VPS41: variants seen among roughly 807,000 people sequenced by gnomAD.
VPS41 encodes the protein VPS41 subunit of HOPS complex.
A neutral mutation model predicts 130.9 loss-of-function variants in VPS41; 85 were observed. That is an observed-to-expected ratio of 0.65 (90% CI 0.55 to 0.78). VPS41 has a LOEUF of 0.78. Among genes scored for constraint, VPS41 ranks in the 30% least tolerant of loss-of-function variants. The pLI is 0.00. For synonymous variants in VPS41, 335 were observed against 332.9 expected (o/e 1.01, Z -0.07); for missense variants, 874 against 1,018.7 (o/e 0.86, Z 1.93).
At chr7:38,857,938 C>G (rs1786021154) in intron 4 of VPS41, among the ~76,000 whole-genome samples, 1 of 152,158 alleles carries the variant, frequency 6.6e-6, no homozygotes, top group South Asian at 2.1e-4. Context: ...TAGGTAGATT[C>G]AAAGATGTTC....
chr7:38,899,555 T>G (rs1430578536), intron 1 of VPS41, among the ~76,000 whole-genome samples: 1 of 152,332 alleles, frequency 6.6e-6, no homozygotes, highest in African/African-American at 2.4e-5. Flanking sequence ...CACTTTAACA[T>G]TAACAATCAC....
intron 19 of VPS41, among the ~76,000 whole-genome samples, chr7:38,756,255 G>A (rs1287934789): frequency 5.6e-5 from 7 of 124,642 alleles, no homozygotes; most frequent in Admixed American, 8.6e-5. Context: ...CACACAGCTT[G>A]CATCACTTTG....
intron 17 of VPS41, 87 bp downstream of exon 17, chr7:38,763,368 C>T (rs527948370): frequency 4.7e-6 from 4 of 847,410 alleles, no homozygotes; most frequent in Middle Eastern, 2.4e-4. Context: ...GTTTCCTTTA[C>T]AGGCATTGCT....
intron 4 of VPS41, among the ~76,000 whole-genome samples, chr7:38,842,872 C>T (rs538352919): frequency 6.6e-6 from 1 of 152,306 alleles, no homozygotes; most frequent in Non-Finnish European, 1.5e-5. Context: ...AACAATAACT[C>T]ACTTTGCTGC....
At chr7:38,816,329 G>C (rs1404987797) in intron 7 of VPS41, among the ~76,000 whole-genome samples, 2 of 152,164 alleles carry the variant, frequency 1.3e-5, no homozygotes, top group East Asian at 3.9e-4. Context: ...AATGGAATCA[G>C]GATCTACCAA....
intron 1 of VPS41, among the ~76,000 whole-genome samples, chr7:38,904,689 G>A (rs955195894): frequency 2.6e-5 from 4 of 152,098 alleles, no homozygotes; most frequent in South Asian, 2.1e-4. Context: ...CAAGAAAATC[G>A]AAGCACTCAA....
chr7:38,886,536 CCACCGCAGTT>C (rs1490445531), intron 2 of VPS41, among the ~76,000 whole-genome samples: 1 of 152,244 alleles, frequency 6.6e-6, no homozygotes, highest in Admixed American at 6.5e-5. Flanking sequence ...TGGGCAGAGC[CCACCGCAGTT>C]CAGCAAGGCC....
At chr7:38,846,679 G>C (rs1017266414) in intron 4 of VPS41, among the ~76,000 whole-genome samples, 2 of 152,158 alleles carry the variant, frequency 1.3e-5, no homozygotes, top group African/African-American at 4.8e-5. Context: ...GTGTGAAAAA[G>C]GGATTAGGGG....
Position 38,898,050 on chromosome 7 carries a change from G to A in VPS41, c.60+41C>T, listed in dbSNP as rs777043262. On this transcript the variant is annotated intron_variant, in intron 2 of 28. Coordinates refer to ENST00000310301, the MANE Select transcript of VPS41 (RefSeq NM_014396.4). ...GAAGCGCAACTCAAGAGAACAACGTGGTGAGCTACAAATCCGAGGGCTCCT... is the reference window on the plus strand; with the variant it reads ...GAAGCGCAACTCAAGAGAACAACGTAGTGAGCTACAAATCCGAGGGCTCCT... The A allele has an allele frequency of 4.4e-6, 7 of 1,592,930 alleles. No homozygotes were observed. In the African/African-American group the frequency reaches 6.7e-5, roughly 15 times the overall value.
chr7:38,760,674 T>C (rs1410547710), intron 17 of VPS41, among the ~76,000 whole-genome samples: 1 of 152,110 alleles, frequency 6.6e-6, no homozygotes, highest in Non-Finnish European at 1.5e-5. Flanking sequence ...ACACAGACCC[T>C]GTTTCTTTTC....
At chr7:38,814,431 A>T (rs766992652) in intron 7 of VPS41, among the ~76,000 whole-genome samples, 1 of 152,160 alleles carries the variant, frequency 6.6e-6, no homozygotes, top group Non-Finnish European at 1.5e-5. Context: ...CGGATGGATC[A>T]CAAGGTCAGG....
chr7:38,799,717 T>A (rs1313682388), intron 7 of VPS41, among the ~76,000 whole-genome samples: 1 of 152,164 alleles, frequency 6.6e-6, no homozygotes, highest in Non-Finnish European at 1.5e-5. Context: ...AAATTCATTT[T>A]AAAAAATGAG....
At chr7:38,850,604 A>C (rs1785833093) in intron 4 of VPS41, among the ~76,000 whole-genome samples, 1 of 152,190 alleles carries the variant, frequency 6.6e-6, no homozygotes, top group South Asian at 2.1e-4. Context: ...TTCATTTAAT[A>C]ATAGGAAGAC....
At chr7:38,897,102 G>C (rs893593229) in intron 2 of VPS41, among the ~76,000 whole-genome samples, 1 of 145,996 alleles carries the variant, frequency 6.8e-6, no homozygotes, top group South Asian at 2.1e-4. Flanking sequence ...GCTGAGGCTG[G>C]AGAATCACTT....
At chr7:38,841,611 T>TTTG (rs942482746) in intron 4 of VPS41, among the ~76,000 whole-genome samples, 8 of 152,162 alleles carry the variant, frequency 5.3e-5, no homozygotes, top group East Asian at 1.9e-4. Context: ...ACTCACAACT[T>TTTG]TTGTTGTTGT....
At chr7:38,821,134 A>T in intron 6 of VPS41, 69 bp downstream of exon 6, 2 of 1,189,388 alleles carry the variant, frequency 1.7e-6, no homozygotes, top group Non-Finnish European at 2.5e-6. Context: ...GTAATGTTCA[A>T]ATTACTGTAA....
At position 38,726,311 on chromosome 7, in the gene VPS41, A is replaced by C; in HGVS notation, c.2500T>G (p.Phe834Val). 1 of 1,608,472 alleles carries C rather than the reference A, an allele frequency of 6.2e-7. No homozygotes were observed. Among genetic ancestry groups the C allele is most frequent in the Middle Eastern group, 1.7e-4 (1 of 6,042 alleles). ...TTCTTAGCACTGCAGATGTTGCAGA[A>C]CTGTGCAGCAGAGTTCTAAAAATGC... ...PMPSMNSAAQFCNICSAKNRG... is the reference protein window; with the variant it reads ...PMPSMNSAAQVCNICSAKNRG... The change falls in exon 29 of 29, where the codon TTC becomes GTC. Residue 834 changes from phenylalanine (F) to valine (V), a missense_variant. Physicochemically the swap from Phe to Val is conservative, Grantham distance 50. Transcript: ENST00000310301.
chr7:38,887,644 A>G (rs1380389975), intron 2 of VPS41, among the ~76,000 whole-genome samples: 1 of 152,188 alleles, frequency 6.6e-6, no homozygotes, highest in Non-Finnish European at 1.5e-5. Flanking sequence ...ACCTAGCAAG[A>G]CAGGCCAACA....
intron 2 of VPS41, among the ~76,000 whole-genome samples, chr7:38,878,509 T>C (rs1786536900): frequency 6.6e-6 from 1 of 152,132 alleles, no homozygotes; most frequent in Non-Finnish European, 1.5e-5. Context: ...AAAATATACA[T>C]AAAATTCTGT....
Sources: gnomAD v4.1 joint callset for allele counts (sites outside exome capture counted in the v4.1 genomes callset) on GRCh38, gnomAD v4.1.1 for gene constraint, MANE v1.5 for transcripts, NCBI Gene and HGNC (gene_info 2026-07-23, HGNC 2026-07-21) for gene names.